LAMC2: variants seen among roughly 807,000 people sequenced by gnomAD.
The protein encoded by LAMC2 is laminin subunit gamma-2.
LAMC2 carries 97 observed loss-of-function variants against 140.2 expected under a neutral mutation model. The ratio of observed to expected loss-of-function variants is 0.69; its 90% CI spans 0.59 to 0.82. The LOEUF is 0.82. Ranked by LOEUF, LAMC2 falls within the 40% of genes least tolerant of loss-of-function variation. LAMC2 has a pLI of 0.00. For synonymous variants in LAMC2, 513 were observed against 540.2 expected, an observed-to-expected ratio of 0.95 and a Z score of 0.70; for missense variants, 1,402 against 1,476.1, an observed-to-expected ratio of 0.95 and a Z score of 0.82.
At chr1:183,213,551 C>G (rs946530161) in intron 2 of LAMC2, among the ~76,000 whole-genome samples, 4 of 152,114 alleles carry the variant, frequency 2.6e-5, no homozygotes, top group Non-Finnish European at 4.4e-5. Flanking sequence ...CCTATAATCC[C>G]AGCACTTTGG....
In LAMC2 at chr1:183,243,503, T is replaced by G; in HGVS notation, c.*103T>G. 7.0e-7 allele frequency: 1 copy of G among 1,429,088 alleles called. No individual in the cohort carries two copies. Among genetic ancestry groups the G allele is most frequent in the Non-Finnish European group, 9.8e-7 (1 of 1,016,096 alleles). The allele number at this position is 1,429,088 out of a possible 1,614,324, so 88.5% of individuals were successfully genotyped here. A position where few individuals can be genotyped will look rare whatever the true frequency, so the allele number is the denominator to read the frequency against. ...TGGGATGGGGACATTTGAACATGTTTAATGGGTATGCTCAGGTCAACTGAC... is the reference window on the plus strand; with the variant it reads ...TGGGATGGGGACATTTGAACATGTTGAATGGGTATGCTCAGGTCAACTGAC... On this transcript the variant is annotated 3_prime_UTR_variant, in exon 23 of 23. Transcript: ENST00000264144.
At chr1:183,201,510 T>C (rs1318890788) in intron 1 of LAMC2, among the ~76,000 whole-genome samples, 1 of 152,240 alleles carries the variant, frequency 6.6e-6, no homozygotes, top group Non-Finnish European at 1.5e-5. Flanking sequence ...GTCTTCTTTT[T>C]AGATGCATAC....
chr1:183,186,327 CAG>C lies in LAMC2; in HGVS notation c.-22_-21del. Reference sequence around the variant, plus strand: ...CGGGCAGCGACCCCTGCAGCGGAGACAGAGACTGAGCGGCCCGGCCCCGCCAT... The same window carrying C: ...CGGGCAGCGACCCCTGCAGCGGAGACAGACTGAGCGGCCCGGCCCCGCCAT... On this transcript the variant is annotated 5_prime_UTR_variant, in exon 1 of 23. Transcript: ENST00000264144. The C allele has an allele frequency of 6.3e-7, 1 of 1,578,640 alleles. No homozygotes were observed. Among genetic ancestry groups the C allele is most frequent in the South Asian group, 1.1e-5 (1 of 87,538 alleles).
chr1:183,208,904 T>C (rs73049737), intron 2 of LAMC2, among the ~76,000 whole-genome samples: 3,245 of 151,972 alleles, frequency 0.021, 126 homozygotes, highest in African/African-American at 0.074. Context: ...TGGTCTCGAG[T>C]GCCTGACCTC....
At chr1:183,208,333 G>A (rs1328492185) in intron 2 of LAMC2, among the ~76,000 whole-genome samples, 1 of 152,146 alleles carries the variant, frequency 6.6e-6, no homozygotes, top group Non-Finnish European at 1.5e-5. Flanking sequence ...GACCTTGAGG[G>A]CATGTTGTCT....
rs781376405 is a variant in LAMC2 at position 183,235,668 on chromosome 1, T to G, written c.2394T>G (p.His798Gln). ...QALSLVRKALHEGVGSGSGSP... is the reference protein window; with the variant it reads ...QALSLVRKALQEGVGSGSGSP... ...TCTCACTGGTGCGCAAGGCCCTGCATGAAGGAGTCGGAAGCGGAAGCGGTA... is the reference window on the plus strand; with the variant it reads ...TCTCACTGGTGCGCAAGGCCCTGCAGGAAGGAGTCGGAAGCGGAAGCGGTA... The change falls in exon 16 of 23, where the codon CAT becomes CAG. Residue 798 changes from histidine to glutamine, a missense_variant. His to Gln is a conservative substitution (Grantham distance 24). This residue lies in a region of LAMC2 where 670 missense variants were observed against 667.2 expected (regional missense o/e 1.00). Transcript: ENST00000264144. 2 of 1,614,208 alleles carry G rather than the reference T, an allele frequency of 1.2e-6. No homozygotes were observed. Among genetic ancestry groups the G allele is most frequent in the Non-Finnish European group, 8.5e-7 (1 of 1,180,026 alleles).
chr1:183,216,136 GTGAAGCATT>G lies in LAMC2; in HGVS notation c.404+549_404+557del, dbSNP rs1363817223. ...GGGATGGCTTGGCAGGGGCTTGGCAGTGAAGCATTGGGCATTGGCTAGCAAGGCTCCCAC... is the reference window on the plus strand; with the variant it reads ...GGGATGGCTTGGCAGGGGCTTGGCAGGGGCATTGGCTAGCAAGGCTCCCAC... On this transcript the variant is annotated intron_variant, in intron 3 of 22. Transcript: ENST00000264144. Among the ~76,000 whole-genome samples the G allele has an allele frequency of 4.5e-4, 68 of 152,358 alleles. No homozygotes were observed. In the Middle Eastern group the frequency reaches 0.014, roughly 30 times the overall value.
At chr1:183,227,459 A>G in intron 9 of LAMC2, 56 bp from the exon 10 acceptor site, 1 of 1,480,134 alleles carries the variant, frequency 6.8e-7, no homozygotes, top group Non-Finnish European at 9.4e-7. Context: ...GTTGAAGGAA[A>G]TGTATTGTCT....
intron 2 of LAMC2, among the ~76,000 whole-genome samples, chr1:183,208,810 G>T (rs542376363): frequency 6.6e-6 from 1 of 152,124 alleles, no homozygotes; most frequent in African/African-American, 2.4e-5. Context: ...TTCCTGAGTA[G>T]CTGGGATTAC....
At position 183,235,579 on chromosome 1, in the gene LAMC2, G is replaced by A. The variant is rs768252173; in HGVS notation, c.2305G>A (p.Val769Ile). ...QEATRLAESHVESASNMEQLT... is the reference protein window; with the variant it reads ...QEATRLAESHIESASNMEQLT... ...TTTTGTTTTTAATCCTTTCAGCCAC[G>A]TTGAGTCAGCCAGTAACATGGAGCA... The change falls in exon 16 of 23, where the codon GTT becomes ATT. Residue 769 changes from valine to isoleucine, a missense_variant. Val to Ile is a conservative substitution (Grantham distance 29). Coordinates refer to ENST00000264144, the MANE Select transcript of LAMC2 (RefSeq NM_005562.3). 2 of 1,614,038 alleles carry A rather than the reference G, an allele frequency of 1.2e-6. No individual in the cohort carries two copies. Among genetic ancestry groups the A allele is most frequent in the Non-Finnish European group, 8.5e-7 (1 of 1,180,008 alleles).
chr1:183,238,498 G>A, intron 19 of LAMC2, 77 bp downstream of exon 19: 1 of 894,104 alleles, frequency 1.1e-6, no homozygotes, highest in South Asian at 1.3e-5. Context: ...ATTCTCATAT[G>A]TCTCTCTAAG....
At chr1:183,237,228 A>C (rs1659991373) in intron 17 of LAMC2, 124 bp from the exon 18 acceptor site, 1 of 1,047,050 alleles carries the variant, frequency 9.6e-7, no homozygotes, top group African/African-American at 1.6e-5. Flanking sequence ...CTGGATGGCT[A>C]GTGACTATTT....
At chr1:183,249,076 C>T (rs1397690512), downstream of LAMC2, 1 of 152,138 alleles carries the variant, frequency 6.6e-6, no homozygotes, top group Non-Finnish European at 1.5e-5. Context: ...TTCTGAGAAG[C>T]TGGAGCTTGA....
chr1:183,225,860 A>G (rs1210149211), intron 8 of LAMC2, 140 bp downstream of exon 8: 1 of 652,108 alleles, frequency 1.5e-6, no homozygotes, highest in African/African-American at 1.8e-5. Context: ...TTCAATCTGA[A>G]TTTTTATATT....
At chr1:183,246,045 T>G (rs1212386645), downstream of LAMC2, among the ~76,000 whole-genome samples, 3 of 151,870 alleles carry the variant, frequency 2.0e-5, no homozygotes, top group Non-Finnish European at 2.9e-5. Context: ...TGGCGGGCGC[T>G]TGTAATCCCA....
chr1:183,227,814 C>A, intron 10 of LAMC2, 117 bp downstream of exon 10: 1 of 895,454 alleles, frequency 1.1e-6, no homozygotes, highest in Non-Finnish European at 1.8e-6. Flanking sequence ...CGGGTTCACC[C>A]AAATGTGCTC....
In LAMC2 at chr1:183,191,188, T is replaced by C. The variant is rs868283428; in HGVS notation, c.79+4757T>C. Among the ~76,000 whole-genome samples, 39 of 102,892 alleles carry C rather than the reference T, an allele frequency of 3.8e-4. No individual in the cohort carries two copies. In the Middle Eastern group the frequency reaches 0.028, roughly 75 times the overall value. 67.5% of individuals were successfully genotyped at this position (102,892 alleles called of 152,430 possible). A position where few individuals can be genotyped will look rare whatever the true frequency, so the allele number is the denominator to read the frequency against. Reference sequence around the variant, plus strand: ...ATGCAAGATTTTGAAAGGACTTAAGTATGATCTTTTTTTTCCTGAGGGATA... The same window carrying C: ...ATGCAAGATTTTGAAAGGACTTAAGCATGATCTTTTTTTTCCTGAGGGATA... On this transcript the variant is annotated intron_variant, in intron 1 of 22. Coordinates refer to ENST00000264144, the MANE Select transcript of LAMC2 (RefSeq NM_005562.3).
the LAMC2 span, chr1:183,251,491 CCT>C: frequency 6.6e-6 from 1 of 152,302 alleles, no homozygotes; most frequent in African/African-American, 2.4e-5. Flanking sequence ...TGAGTGGACT[CCT>C]AGTGTTTTTT....
At chr1:183,219,175 G>T (rs1659387217) in intron 4 of LAMC2, among the ~76,000 whole-genome samples, 1 of 152,188 alleles carries the variant, frequency 6.6e-6, no homozygotes, top group Non-Finnish European at 1.5e-5. Flanking sequence ...CAGAAGCAAA[G>T]GCTTCCTCCT....
Sources: allele counts gnomAD v4.1 joint callset (sites outside exome capture counted in the v4.1 genomes callset), GRCh38; gene constraint gnomAD v4.1.1; regional missense constraint gnomAD v4.1.1; transcripts MANE v1.5; gene names NCBI Gene and HGNC (gene_info 2026-07-23, HGNC 2026-07-21).